Variants in FER observed in about 807,000 individuals in gnomAD.
The protein encoded by FER is FER tyrosine kinase, also known as tyrosine-protein kinase Fer.
Under a neutral mutation model 111.0 loss-of-function variants are expected in FER, and 63 were observed. That is an observed-to-expected ratio of 0.57 (90% CI 0.46 to 0.70). FER has a LOEUF of 0.70. Ranked by LOEUF, FER falls within the 30% of genes least tolerant of loss-of-function variation. The pLI is 0.00. For synonymous variants in FER, 327 were observed against 313.9 expected, an observed-to-expected ratio of 1.04 and a Z score of -0.44; for missense variants, 914 against 954.0, an observed-to-expected ratio of 0.96 and a Z score of 0.55.
intron 17 of FER, among the ~76,000 whole-genome samples, chr5:109,146,509 GTTA>G (rs930915609): frequency 6.6e-6 from 1 of 151,308 alleles, no homozygotes; most frequent in African/African-American, 2.4e-5. Flanking sequence ...CATTTCCTCT[GTTA>G]TTATTATAAT....
At chr5:109,150,941 A>G (rs962128025) in intron 17 of FER, among the ~76,000 whole-genome samples, 1 of 152,180 alleles carries the variant, frequency 6.6e-6, no homozygotes, top group African/African-American at 2.4e-5. Context: ...AGTTAATCAA[A>G]GTGGTATTTA....
At chr5:108,764,266 A>G (rs916000578) in intron 1 of FER, among the ~76,000 whole-genome samples, 5 of 152,204 alleles carry the variant, frequency 3.3e-5, no homozygotes, top group African/African-American at 9.7e-5. Flanking sequence ...GCAACTCACA[A>G]TCATTTAAAA....
At chr5:109,122,797 A>G (rs1040189871) in intron 17 of FER, among the ~76,000 whole-genome samples, 1 of 151,510 alleles carries the variant, frequency 6.6e-6, no homozygotes, top group Non-Finnish European at 1.5e-5. Flanking sequence ...TGCTGAATTG[A>G]CCCCTTTTTC....
chr5:108,984,969 AT>A (rs1762403358), intron 13 of FER, among the ~76,000 whole-genome samples: 1 of 152,156 alleles, frequency 6.6e-6, no homozygotes, highest in Admixed American at 6.5e-5. Context: ...CCCACAGAAA[AT>A]AAAAAAGGTT....
intron 16 of FER, chr5:109,052,363 A>C: frequency 1.3e-6 from 2 of 1,586,178 alleles, no homozygotes; most frequent in Non-Finnish European, 1.7e-6. Context: ...CAGGATTTGG[A>C]AAATGAAAAG....
intron 16 of FER, among the ~76,000 whole-genome samples, chr5:109,069,995 A>G (rs1316723381): frequency 1.3e-5 from 2 of 152,120 alleles, no homozygotes; most frequent in Non-Finnish European, 2.9e-5. Context: ...GTACTTTTAT[A>G]ACTTTTTACA....
intron 13 of FER, among the ~76,000 whole-genome samples, chr5:109,008,972 A>C (rs1765862598): frequency 1.3e-5 from 2 of 151,666 alleles, no homozygotes; most frequent in South Asian, 4.2e-4. Context: ...CTCCATCTCA[A>C]AACAACAACA....
At chr5:109,013,676 A>C (rs1207207702) in intron 13 of FER, among the ~76,000 whole-genome samples, 1 of 151,862 alleles carries the variant, frequency 6.6e-6, no homozygotes, top group Non-Finnish European at 1.5e-5. Flanking sequence ...CAATGGTTGA[A>C]CTAGTTTACA....
At chr5:109,077,877 T>C (rs17534619) in intron 16 of FER, among the ~76,000 whole-genome samples, 2,061 of 152,322 alleles carry the variant, frequency 0.014, 18 homozygotes, top group Non-Finnish European at 0.02. Context: ...TTTTTTGTAA[T>C]CATAAATAAT....
chr5:109,112,392 G>A (rs554090883), intron 17 of FER, among the ~76,000 whole-genome samples: 7 of 152,258 alleles, frequency 4.6e-5, no homozygotes, highest in African/African-American at 1.7e-4. Context: ...AATTAAGAAT[G>A]CAGCCTCTCT....
At chr5:108,945,941 G>A (rs1756924468) in intron 10 of FER, among the ~76,000 whole-genome samples, 189 bp from the exon 11 acceptor site, 1 of 151,946 alleles carries the variant, frequency 6.6e-6, no homozygotes, top group Non-Finnish European at 1.5e-5. Flanking sequence ...TTGTTGAGGG[G>A]TCAGTAAAGT....
intron 17 of FER, among the ~76,000 whole-genome samples, chr5:109,113,591 T>A (rs562231033): frequency 6.6e-6 from 1 of 152,154 alleles, no homozygotes; most frequent in Non-Finnish European, 1.5e-5. Context: ...GTTTAAATAT[T>A]GTTGCTTTAT....
chr5:109,025,295 T>A (rs1418163149), intron 13 of FER, among the ~76,000 whole-genome samples: 1 of 152,110 alleles, frequency 6.6e-6, no homozygotes, highest in Non-Finnish European at 1.5e-5. Context: ...TTTTATTTCC[T>A]TGAGCAGTGG....
chr5:108,865,131 GAGTTCA>G (rs1016746402), intron 5 of FER, among the ~76,000 whole-genome samples: 9 of 151,934 alleles, frequency 5.9e-5, no homozygotes, highest in African/African-American at 1.9e-4. Context: ...TTGTGAATGG[GAGTTCA>G]CTCATGATTT....
At chr5:108,816,122 CA>C (rs796815231) in intron 3 of FER, among the ~76,000 whole-genome samples, 18 of 147,746 alleles carry the variant, frequency 1.2e-4, no homozygotes, top group South Asian at 1.1e-3. Flanking sequence ...TTTAATCTAT[CA>C]AAAAAAAAAC....
At chr5:109,173,884 C>A (rs1757415124) in intron 17 of FER, among the ~76,000 whole-genome samples, 1 of 151,952 alleles carries the variant, frequency 6.6e-6, no homozygotes, top group African/African-American at 2.4e-5. Flanking sequence ...TTTGCTCTCA[C>A]AATAAATATC....
intron 13 of FER, among the ~76,000 whole-genome samples, chr5:109,009,969 C>G (rs1057179885): frequency 2.0e-5 from 3 of 152,128 alleles, no homozygotes; most frequent in Admixed American, 2.0e-4. Context: ...TCACTTCTGC[C>G]ACAATCTGTT....
intron 8 of FER, among the ~76,000 whole-genome samples, chr5:108,875,781 G>T (rs58374696): frequency 3.9e-4 from 60 of 152,218 alleles, no homozygotes; most frequent in African/African-American, 1.3e-3. Flanking sequence ...GTCTGCAAAA[G>T]AAGAAATTTT....
chr5:109,106,910 G>A (rs1749001821), intron 17 of FER, among the ~76,000 whole-genome samples: 4 of 152,166 alleles, frequency 2.6e-5, no homozygotes, highest in African/African-American at 9.7e-5. Flanking sequence ...AAAAATGAGA[G>A]ATTTGGAGTA....
Sources: allele counts gnomAD v4.1 joint callset (sites outside exome capture counted in the v4.1 genomes callset), GRCh38; gene constraint gnomAD v4.1.1; transcripts MANE v1.5; gene names NCBI Gene and HGNC (gene_info 2026-07-23, HGNC 2026-07-21).